Variants in FOXP2 observed in about 807,000 individuals in gnomAD.
The protein encoded by FOXP2 is forkhead box protein P2.
Under a neutral mutation model 115.8 loss-of-function variants are expected in FOXP2, and 12 were observed. The observed-to-expected ratio is 0.10, with a 90% CI of 0.07 to 0.17. The LOEUF (loss-of-function observed/expected upper bound fraction) is 0.17. Among genes scored for constraint, FOXP2 ranks in the 10% least tolerant of loss-of-function variants. FOXP2 has a pLI of 1.00. For missense variants in FOXP2, 629 were observed against 843.5 expected, an observed-to-expected ratio of 0.75 and a Z score of 3.15; for synonymous variants, 328 against 297.7, an observed-to-expected ratio of 1.10 and a Z score of -1.05.
At chr7:114,096,506 T>G (rs1287322667) in intron 1 of FOXP2, among the ~76,000 whole-genome samples, 1 of 152,182 alleles carries the variant, frequency 6.6e-6, no homozygotes, top group Non-Finnish European at 1.5e-5. Context: ...GTTCAAAATA[T>G]TCTACACACA....
At chr7:114,191,652 G>T (rs1456848549) in intron 1 of FOXP2, among the ~76,000 whole-genome samples, 2 of 152,256 alleles carry the variant, frequency 1.3e-5, no homozygotes, top group Non-Finnish European at 1.5e-5. Context: ...CAGAAAAAGT[G>T]ATTTGTAAGT....
rs886061916 is a variant in FOXP2 at position 114,642,622 on chromosome 7, A to T, written c.988A>T (p.Ser330Cys). 1.9e-6 allele frequency: 3 copies of T among 1,611,768 alleles called. No individual in the cohort carries two copies. In the East Asian group the frequency reaches 6.7e-5, roughly 36 times the overall value. ...QSSVLSARRD[S>C]SSHEETGASH... is the part of the protein sequence containing the mutation. The stretch of plus-strand genomic sequence containing the variant: ...TTCAGTTCTAAGTGCAAGACGAGAC[A>T]GGTAAATCTCATGAGCTTTATTCTA... Residue 330 changes from serine to cysteine, a missense_variant and splice_region_variant, in exon 7 of 17, where the codon AGC becomes TGC. Ser to Cys is a moderately radical substitution (Grantham distance 112). This residue lies in a region of FOXP2 where 92 missense variants were observed against 80.1 expected (regional missense o/e 1.15). Coordinates refer to ENST00000350908, the MANE Select transcript of FOXP2 (RefSeq NM_014491.4).
In FOXP2 at chr7:114,414,995, G is replaced by A; in HGVS notation, c.-376G>A. The A allele has an allele frequency of 2.3e-6, 1 of 442,798 alleles. No homozygotes were observed. The highest frequency in any genetic ancestry group is 4.5e-6 in the Non-Finnish European group (1 of 220,788). The allele number at this position is 442,798 out of a possible 1,614,324, so 27.4% of individuals were successfully genotyped here. On this transcript the variant is annotated 5_prime_UTR_variant, in exon 1 of 17. Transcript: ENST00000350908. ...AGATTATGGTAAGCATGCTGGCTCA[G>A]TCTTGAACCTTTGTCACCCCTCACG... is the stretch of plus-strand genomic sequence containing the variant.
At chr7:114,200,466 A>G (rs1044865346) in intron 1 of FOXP2, among the ~76,000 whole-genome samples, 6 of 152,230 alleles carry the variant, frequency 3.9e-5, no homozygotes, top group Non-Finnish European at 5.9e-5. Context: ...GGGAGACAGG[A>G]AACACTGAAA....
chr7:114,367,607 C>CAA (rs2129188649), intron 2 of FOXP2, among the ~76,000 whole-genome samples: 1 of 152,260 alleles, frequency 6.6e-6, no homozygotes, highest in East Asian at 1.9e-4. Flanking sequence ...ACATTCAGTA[C>CAA]AACTCTGAAC....
At chr7:114,620,391 T>A (rs1042772814) in intron 3 of FOXP2, among the ~76,000 whole-genome samples, 1 of 152,070 alleles carries the variant, frequency 6.6e-6, no homozygotes, top group African/African-American at 2.4e-5. Context: ...ATCTGTGGTC[T>A]TGTAGTGGGA....
intron 2 of FOXP2, among the ~76,000 whole-genome samples, chr7:114,519,128 A>G (rs1798488081): frequency 6.6e-6 from 1 of 152,170 alleles, no homozygotes; most frequent in South Asian, 2.1e-4. Context: ...TCCAAGACAC[A>G]TTAAACATGG....
intron 2 of FOXP2, among the ~76,000 whole-genome samples, chr7:114,440,921 G>A (rs1410740415): frequency 6.6e-6 from 1 of 152,084 alleles, no homozygotes; most frequent in Non-Finnish European, 1.5e-5. Flanking sequence ...ACATGGAATG[G>A]ATGAAGAAAT....
At chr7:114,607,586 G>A (rs1417631664) in intron 3 of FOXP2, among the ~76,000 whole-genome samples, 1 of 152,106 alleles carries the variant, frequency 6.6e-6, no homozygotes, top group Non-Finnish European at 1.5e-5. Context: ...AGAGATAATA[G>A]TTAAAAGCTA....
At chr7:114,440,535 T>G (rs1794553625) in intron 2 of FOXP2, among the ~76,000 whole-genome samples, 14 of 152,220 alleles carry the variant, frequency 9.2e-5, no homozygotes, top group Admixed American at 9.2e-4. Flanking sequence ...CATATAGTGT[T>G]AGATATTTTG....
chr7:114,543,560 T>A (rs569612986), intron 3 of FOXP2, among the ~76,000 whole-genome samples: 19 of 152,326 alleles, frequency 1.2e-4, no homozygotes, highest in Admixed American at 7.2e-4. Flanking sequence ...TTTTTTACAT[T>A]ATAGGTTCTC....
chr7:114,195,635 A>G (rs1165522734), intron 1 of FOXP2, among the ~76,000 whole-genome samples: 1 of 152,138 alleles, frequency 6.6e-6, no homozygotes, highest in Non-Finnish European at 1.5e-5. Context: ...ATTTAAAATC[A>G]TTAAATTCAT....
In FOXP2 at chr7:114,093,056, AAT is replaced by A. The variant is rs555997745; in HGVS notation, c.-247+5221_-247+5222del. Among the ~76,000 whole-genome samples the A allele has an allele frequency of 4.3e-4, 66 of 152,212 alleles. No homozygotes were observed. In the East Asian group the frequency reaches 0.011, roughly 25 times the overall value. On this transcript the variant is annotated intron_variant, in intron 1 of 19. Coordinates refer to the FOXP2 transcript ENST00000635638. ...CCACACAGCAGAGTGATCTTTTGAA[AAT>A]ATGTCTGTGTTCCTCTTGTATAAGC...
At chr7:114,641,185 T>A (rs188074767) in intron 6 of FOXP2, among the ~76,000 whole-genome samples, 1 of 152,308 alleles carries the variant, frequency 6.6e-6, no homozygotes, top group African/African-American at 2.4e-5. Context: ...ATGAATTGCT[T>A]AATCATACCA....
chr7:114,565,380 A>ATAC (rs2129293234), intron 3 of FOXP2, among the ~76,000 whole-genome samples: 1 of 152,308 alleles, frequency 6.6e-6, no homozygotes, highest in Admixed American at 6.5e-5. Context: ...GAAGGAAAAA[A>ATAC]TACCTGTCAT....
At chr7:114,370,724 T>C (rs1243367758) in intron 2 of FOXP2, among the ~76,000 whole-genome samples, 2 of 152,244 alleles carry the variant, frequency 1.3e-5, no homozygotes, top group Non-Finnish European at 2.9e-5. Context: ...TTACAGAAGA[T>C]ATCTTTGTCA....
At chr7:114,472,417 C>T (rs1796092075) in intron 2 of FOXP2, among the ~76,000 whole-genome samples, 1 of 150,676 alleles carries the variant, frequency 6.6e-6, no homozygotes. Context: ...ACGATCTTGG[C>T]TCACTGCAGC....
chr7:114,304,847 G>A (rs1437302678), intron 2 of FOXP2, among the ~76,000 whole-genome samples: 1 of 151,852 alleles, frequency 6.6e-6, no homozygotes, highest in Non-Finnish European at 1.5e-5. Flanking sequence ...GGTTTGAAAT[G>A]TTTCTGAAAC....
At chr7:114,435,323 C>G (rs955600096) in intron 2 of FOXP2, among the ~76,000 whole-genome samples, 3 of 151,892 alleles carry the variant, frequency 2.0e-5, no homozygotes, top group Non-Finnish European at 4.4e-5. Flanking sequence ...GAGAGAGGAT[C>G]AATCGGCAGA....
Sources: allele counts gnomAD v4.1 joint callset (sites outside exome capture counted in the v4.1 genomes callset), GRCh38; gene constraint gnomAD v4.1.1; regional missense constraint gnomAD v4.1.1; transcripts MANE v1.5; gene names NCBI Gene and HGNC (gene_info 2026-07-23, HGNC 2026-07-21).